DENND1B: variants seen among roughly 807,000 people sequenced by gnomAD.
DENND1B encodes the protein DENN domain-containing protein 1B.
Under a neutral mutation model 90.1 loss-of-function variants are expected in DENND1B, and 59 were observed. The ratio of observed to expected loss-of-function variants is 0.65; its 90% confidence interval spans 0.53 to 0.81. The LOEUF (loss-of-function observed/expected upper bound fraction) is 0.81. DENND1B is among the 40% of genes least tolerant of loss of function. DENND1B has a pLI of 0.00. For synonymous variants in DENND1B, 337 were observed against 324.6 expected, an observed-to-expected ratio of 1.04 and a Z score of -0.41; for missense variants, 862 against 912.6, an observed-to-expected ratio of 0.94 and a Z score of 0.71.
At chr1:197,736,060 A>T (rs1341679868) in intron 2 of DENND1B, 1 of 846,140 alleles carries the variant, frequency 1.2e-6, no homozygotes, top group Non-Finnish European at 2.0e-6. Flanking sequence ...TAAGTAAATG[A>T]TTGTGAAGCC....
chr1:197,622,141 G>T (rs1299005443), intron 10 of DENND1B, among the ~76,000 whole-genome samples: 1 of 151,328 alleles, frequency 6.6e-6, no homozygotes, highest in Non-Finnish European at 1.5e-5. Flanking sequence ...GAAACTTCTG[G>T]TCCCAGGTCA....
Position 197,549,821 on chromosome 1 carries a change from C to T in DENND1B, c.1241-3048G>A, listed in dbSNP as rs77751249. 5.9e-3 allele frequency among the ~76,000 whole-genome samples: 901 copies of T among 152,194 alleles called. 13 individuals carry two copies. The highest frequency in any genetic ancestry group is 0.02 in the African/African-American group (842 of 41,552). ...TATGACGTGGATTTCCTTAATAGTC[C>T]TGATGAGGGCTCACAGGGCAGAGGC... is the stretch of plus-strand genomic sequence containing the variant. On this transcript the variant is annotated intron_variant, in intron 16 of 22. Coordinates refer to ENST00000620048, the MANE Select transcript of DENND1B (RefSeq NM_001195215.2).
Position 197,512,866 on chromosome 1 carries a change from C to G in DENND1B, c.1598+5G>C. On this transcript the variant is annotated splice_donor_5th_base_variant and intron_variant, in intron 21 of 22. Transcript: ENST00000620048. The stretch of plus-strand genomic sequence containing the variant: ...CTTAATAGGACACCAAAATCCATTA[C>G]TTACTTGCTTGCTCTTTCAATGTCA... 1 of 1,609,766 alleles carries G rather than the reference C, an allele frequency of 6.2e-7. No homozygotes were observed. The highest frequency in any genetic ancestry group is 1.3e-5 in the African/African-American group (1 of 74,696).
At chr1:197,772,817 G>T in intron 2 of DENND1B, 51 bp downstream of exon 2, 1 of 1,449,424 alleles carries the variant, frequency 6.9e-7, no homozygotes, top group Non-Finnish European at 9.4e-7. Context: ...ATGAGATCTT[G>T]TCCCAAAAAA....
chr1:197,654,270 C>T lies in DENND1B; in HGVS notation c.367-1955G>A, dbSNP rs1159134628. ...CTTTCCAAGTGACAGAACTGATTAT[C>T]TGACTGATAAACACTGTACTTTAAT... On this transcript the variant is annotated intron_variant, in intron 6 of 22. Transcript: ENST00000620048. Among the ~76,000 whole-genome samples, 4 of 152,180 alleles carry T rather than the reference C, an allele frequency of 2.6e-5. No individual in the cohort carries two copies. In the East Asian group the frequency reaches 7.7e-4, roughly 29 times the overall value.
chr1:197,522,824 C>T (rs1017487297), intron 20 of DENND1B, among the ~76,000 whole-genome samples: 10 of 152,008 alleles, frequency 6.6e-5, no homozygotes, highest in African/African-American at 2.4e-4. Flanking sequence ...ATTAATTTCA[C>T]CATTGGCAAA....
At chr1:197,638,000 T>C (rs1246250081) in intron 10 of DENND1B, among the ~76,000 whole-genome samples, 3 of 152,186 alleles carry the variant, frequency 2.0e-5, no homozygotes, top group Non-Finnish European at 4.4e-5. Context: ...AAATCAAGAA[T>C]ATGTATAATC....
At chr1:197,564,301 C>T (rs1159003941) in intron 15 of DENND1B, among the ~76,000 whole-genome samples, 1 of 139,236 alleles carries the variant, frequency 7.2e-6, no homozygotes, top group Non-Finnish European at 1.5e-5. Context: ...TCATTGCTGT[C>T]TTATTTTAAG....
chr1:197,639,574 C>T (rs372777062), intron 10 of DENND1B, among the ~76,000 whole-genome samples: 3 of 152,020 alleles, frequency 2.0e-5, no homozygotes, highest in Non-Finnish European at 2.9e-5. Context: ...GAATGTTAGG[C>T]CACCTTTACA....
At chr1:197,629,693 TAAAATAA>T in intron 10 of DENND1B, among the ~76,000 whole-genome samples, 1 of 151,190 alleles carries the variant, frequency 6.6e-6, no homozygotes, top group Admixed American at 6.6e-5. Context: ...TAAAATAAAA[TAAAATAA>T]AAAATGAATA....
chr1:197,724,748 A>G (rs1661476883), intron 2 of DENND1B, among the ~76,000 whole-genome samples: 1 of 152,168 alleles, frequency 6.6e-6, no homozygotes, highest in Admixed American at 6.5e-5. Context: ...ATGTTATACA[A>G]TAACATAACT....
At chr1:197,596,432 C>T (rs769513003) in intron 13 of DENND1B, among the ~76,000 whole-genome samples, 2 of 151,756 alleles carry the variant, frequency 1.3e-5, no homozygotes, top group African/African-American at 2.4e-5. Flanking sequence ...TTCATCAATG[C>T]TTAAAATGGA....
intron 2 of DENND1B, among the ~76,000 whole-genome samples, chr1:197,756,858 T>G (rs918509134): frequency 6.6e-6 from 1 of 151,422 alleles, no homozygotes; most frequent in African/African-American, 2.4e-5. Flanking sequence ...TTTGCATAAA[T>G]GTAATACATC....
intron 20 of DENND1B, among the ~76,000 whole-genome samples, chr1:197,539,741 A>G (rs1446581870): frequency 6.6e-6 from 1 of 152,218 alleles, no homozygotes; most frequent in African/African-American, 2.4e-5. Flanking sequence ...TATGAGATCT[A>G]TGAGGGCATG....
chr1:197,660,911 C>A (rs973897636), intron 5 of DENND1B, among the ~76,000 whole-genome samples: 3 of 151,962 alleles, frequency 2.0e-5, no homozygotes, highest in African/African-American at 7.2e-5. Flanking sequence ...ATGTAGGAGG[C>A]AAGAAATCTA....
At chr1:197,778,201 T>C (rs762185389), upstream of DENND1B, among the ~76,000 whole-genome samples, 5 of 152,174 alleles carry the variant, frequency 3.3e-5, no homozygotes, top group Non-Finnish European at 7.3e-5. Context: ...TTCTAAACAG[T>C]TTTCTTCTGA....
chr1:197,588,899 T>A (rs1674943555), intron 14 of DENND1B, among the ~76,000 whole-genome samples: 1 of 152,098 alleles, frequency 6.6e-6, no homozygotes, highest in African/African-American at 2.4e-5. Flanking sequence ...ATCATCAGCA[T>A]CAAAATATTC....
intron 14 of DENND1B, among the ~76,000 whole-genome samples, chr1:197,585,764 G>A (rs1674642603): frequency 6.6e-6 from 1 of 152,176 alleles, no homozygotes; most frequent in Admixed American, 6.5e-5. Context: ...ATGCTTTAAA[G>A]TTGTATATAT....
At chr1:197,658,424 G>A in intron 5 of DENND1B, 55 bp from the exon 6 acceptor site, 1 of 1,199,842 alleles carries the variant, frequency 8.3e-7, no homozygotes, top group East Asian at 2.4e-5. Flanking sequence ...TCAGAAAACA[G>A]ACAATATAAA....
Sources: allele counts gnomAD v4.1 joint callset (sites outside exome capture counted in the v4.1 genomes callset), GRCh38; gene constraint gnomAD v4.1.1; transcripts MANE v1.5; gene names NCBI Gene and HGNC (gene_info 2026-07-23, HGNC 2026-07-21).